The following LAMA2 variants were observed in gnomAD, a reference collection of about 807,000 sequenced individuals.
LAMA2 encodes laminin subunit alpha 2, also known as laminin subunit alpha-2.
A neutral mutation model predicts 364.8 loss-of-function variants in LAMA2; 269 were observed. That is an observed-to-expected ratio of 0.74 (90% CI 0.67 to 0.82). LAMA2 has a LOEUF of 0.82. LAMA2 is among the 40% of genes least tolerant of loss of function. The probability of loss-of-function intolerance (pLI) is 0.00; values close to 1 mark genes in which losing one functional copy is unlikely to be tolerated. For missense variants in LAMA2, 3,807 were observed against 3,873.2 expected (o/e 0.98, Z 0.45); for synonymous variants, 1,379 against 1,370.6 (o/e 1.01, Z -0.14).
At chr6:129,427,169 G>C (rs893718620) in intron 40 of LAMA2, among the ~76,000 whole-genome samples, 1 of 152,162 alleles carries the variant, frequency 6.6e-6, no homozygotes, top group Non-Finnish European at 1.5e-5. Flanking sequence ...GTGGCTCAGA[G>C]ATTGTCATTT....
At chr6:129,357,004 A>T (rs4452667) in intron 32 of LAMA2, among the ~76,000 whole-genome samples, 123,175 of 151,990 alleles carry the variant, frequency 0.81, 49,993 homozygotes, top group East Asian at 0.92. Context: ...ATGTTATGTA[A>T]GTTGGTGAGT....
intron 34 of LAMA2, among the ~76,000 whole-genome samples, chr6:129,372,458 A>T (rs1464828759): frequency 6.6e-6 from 1 of 151,966 alleles, no homozygotes; most frequent in East Asian, 1.9e-4. Flanking sequence ...GTTTCTCCAT[A>T]TTTTTTCATG....
chr6:129,160,007 A>G (rs1779356405), intron 8 of LAMA2, among the ~76,000 whole-genome samples: 1 of 152,162 alleles, frequency 6.6e-6, no homozygotes, highest in African/African-American at 2.4e-5. Flanking sequence ...CAATTGACTA[A>G]TGTTTGGTTA....
At chr6:129,479,088 T>C (rs528303137) in intron 54 of LAMA2, among the ~76,000 whole-genome samples, 40 of 152,350 alleles carry the variant, frequency 2.6e-4, no homozygotes, top group African/African-American at 8.9e-4. Flanking sequence ...TCTCTTTTTT[T>C]CCAACACTAC....
intron 1 of LAMA2, among the ~76,000 whole-genome samples, chr6:128,886,666 G>C (rs544425463): frequency 9.2e-5 from 14 of 152,308 alleles, no homozygotes; most frequent in Admixed American, 3.3e-4. Context: ...CAAATTTTCA[G>C]AAGAGTCGTT....
intron 58 of LAMA2, among the ~76,000 whole-genome samples, chr6:129,500,408 G>C (rs1785538678): frequency 6.6e-6 from 1 of 152,196 alleles, no homozygotes; most frequent in African/African-American, 2.4e-5. Flanking sequence ...TTACATGTTA[G>C]AGTGATCAGT....
At chr6:129,171,559 G>T (rs1230201357) in intron 9 of LAMA2, among the ~76,000 whole-genome samples, 1 of 151,670 alleles carries the variant, frequency 6.6e-6, no homozygotes, top group African/African-American at 2.4e-5. Context: ...TAGTCTGATG[G>T]GCTTCCCTTT....
chr6:129,390,998 TA>T (rs908351720), intron 35 of LAMA2, among the ~76,000 whole-genome samples: 1 of 152,138 alleles, frequency 6.6e-6, no homozygotes, highest in African/African-American at 2.4e-5. Flanking sequence ...TTCACTCCTT[TA>T]AAAAATGAAC....
chr6:129,263,568 C>A (rs1787287742), intron 15 of LAMA2, among the ~76,000 whole-genome samples: 1 of 152,008 alleles, frequency 6.6e-6, no homozygotes, highest in African/African-American at 2.4e-5. Flanking sequence ...TGGCTGGAGC[C>A]TTGTAAGCAA....
At position 128,887,251 on chromosome 6, in the gene LAMA2, T is replaced by C. The variant is rs542684186; in HGVS notation, c.112+3894T>C. On this transcript the variant is annotated intron_variant, in intron 1 of 64. Transcript: ENST00000421865. The stretch of plus-strand genomic sequence containing the variant: ...ACCTGAGAAATTTTCAGGGGATTCA[T>C]AGTGGCCATAAACCTGGAATTAATT... Among the ~76,000 whole-genome samples, 94 of 152,242 alleles carry C rather than the reference T, an allele frequency of 6.2e-4. 1 individual carries two copies. In the Middle Eastern group the frequency reaches 0.014, roughly 22 times the overall value.
At chr6:128,993,484 G>C (rs540649901) in intron 1 of LAMA2, among the ~76,000 whole-genome samples, 4 of 152,132 alleles carry the variant, frequency 2.6e-5, no homozygotes, top group Non-Finnish European at 5.9e-5. Context: ...CAGGCTAGTT[G>C]TACATTTCTA....
chr6:129,290,732 C>G (rs796336679), intron 19 of LAMA2, among the ~76,000 whole-genome samples: 22 of 152,162 alleles, frequency 1.4e-4, no homozygotes, highest in African/African-American at 5.3e-4. Context: ...AATTACTATT[C>G]TATTTGTGAA....
intron 12 of LAMA2, among the ~76,000 whole-genome samples, chr6:129,241,359 T>C (rs574309857): frequency 6.6e-6 from 1 of 152,344 alleles, no homozygotes; most frequent in East Asian, 1.9e-4. Context: ...TTTAGAATTA[T>C]GAAATAAACC....
chr6:129,214,681 A>G (rs1400045196), intron 12 of LAMA2, among the ~76,000 whole-genome samples: 1 of 152,196 alleles, frequency 6.6e-6, no homozygotes, highest in Non-Finnish European at 1.5e-5. Flanking sequence ...TGATAACTAT[A>G]GTTTTATACT....
intron 9 of LAMA2, among the ~76,000 whole-genome samples, chr6:129,168,106 T>C (rs1263569586): frequency 0.013 from 1,851 of 138,694 alleles, 33 homozygotes; most frequent in African/African-American, 0.05. Flanking sequence ...TTCTCCCATT[T>C]TGTAGGTTGC....
chr6:129,454,876 C>T (rs1454848855), intron 47 of LAMA2, among the ~76,000 whole-genome samples: 2 of 152,096 alleles, frequency 1.3e-5, no homozygotes, highest in Non-Finnish European at 2.9e-5. Flanking sequence ...CCCATTTTCT[C>T]TTCTTGTTTT....
intron 11 of LAMA2, 27 bp downstream of exon 11, chr6:129,190,372 T>C (rs758457864): frequency 1.9e-6 from 3 of 1,610,918 alleles, no homozygotes; most frequent in Non-Finnish European, 2.5e-6. Context: ...TGGTTCTGTT[T>C]GCTGCCCCAG....
chr6:129,134,661 C>T (rs1777679674), intron 4 of LAMA2, among the ~76,000 whole-genome samples: 1 of 152,170 alleles, frequency 6.6e-6, no homozygotes, highest in African/African-American at 2.4e-5. Context: ...CCCTCACATG[C>T]ACAGTTTACA....
Position 129,441,005 on chromosome 6 carries a change from TCTC to T in LAMA2, c.6268+10_6268+12del. 6.2e-7 allele frequency: 1 copy of T among 1,609,152 alleles called. No homozygotes were observed. Among genetic ancestry groups the T allele is most frequent in the South Asian group, 1.1e-5 (1 of 90,974 alleles). On this transcript the variant is annotated splice_region_variant and intron_variant, in intron 43 of 64. Transcript: ENST00000421865. ...AAAGATCCTTCCAAGAACAGTAAGA[TCTC>T]CTTTTTCATTGTGATGATGTCATTT...
Sources: gnomAD v4.1 joint callset for allele counts (sites outside exome capture counted in the v4.1 genomes callset) on GRCh38, gnomAD v4.1.1 for gene constraint, MANE v1.5 for transcripts, NCBI Gene and HGNC (gene_info 2026-07-23, HGNC 2026-07-21) for gene names.